Variants in MALRD1 observed in about 807,000 individuals in gnomAD.
MALRD1 encodes the protein MAM and LDL-receptor class A domain-containing protein 1.
MALRD1 carries 247 observed loss-of-function variants against 242.1 expected under a neutral mutation model. The observed-to-expected ratio is 1.02, with a 90% CI of 0.92 to 1.13. The LOEUF is 1.13. MALRD1 is among the 50% of genes most tolerant of loss of function. The probability of loss-of-function intolerance (pLI) is 0.00; values close to 1 mark genes in which losing one functional copy is unlikely to be tolerated. For synonymous variants in MALRD1, 995 were observed against 866.6 expected (o/e 1.15, Z -2.60); for missense variants, 2,989 against 2,533.1 (o/e 1.18, Z -3.86).
intron 32 of MALRD1, among the ~76,000 whole-genome samples, chr10:19,562,281 C>A (rs755249187): frequency 6.8e-6 from 1 of 147,410 alleles, no homozygotes; most frequent in Non-Finnish European, 1.5e-5. Context: ...GGCAACAGAG[C>A]GAGATGCTGT....
intron 28 of MALRD1, among the ~76,000 whole-genome samples, chr10:19,443,031 T>C (rs1482621144): frequency 1.3e-5 from 2 of 152,210 alleles, no homozygotes; most frequent in Non-Finnish European, 2.9e-5. Context: ...TTCAACTTCT[T>C]CCTGGTTTAG....
intron 1 of MALRD1, among the ~76,000 whole-genome samples, chr10:19,054,188 G>A (rs2131206265): frequency 6.6e-6 from 1 of 152,062 alleles, no homozygotes; most frequent in South Asian, 2.1e-4. Flanking sequence ...TTGCTTCTGT[G>A]CTGACTCACA....
chr10:19,389,453 G>A lies in MALRD1; in HGVS notation c.4689G>A (p.Gly1563=), dbSNP rs1409285816. The change falls in exon 28 of 40, where the codon GGG becomes GGA. Residue 1563 remains glycine (G), a splice_region_variant and synonymous_variant. Coordinates refer to ENST00000454679, the MANE Select transcript of MALRD1 (RefSeq NM_001142308.3). The part of the protein sequence containing the change: ...PKDHTLGNEN[G]HFMYLEATAV... ...TCTGAATTCTGTCCTTGTTCCTAGG[G>A]CACTTCATGTATCTGGAAGCTACTG... 2.6e-6 allele frequency: 4 copies of A among 1,550,050 alleles called. No individual in the cohort carries two copies. The highest frequency in any genetic ancestry group is 3.9e-5 in the Admixed American group (2 of 50,914).
intron 36 of MALRD1, among the ~76,000 whole-genome samples, chr10:19,646,868 G>A (rs1840683842): frequency 6.6e-6 from 1 of 152,124 alleles, no homozygotes; most frequent in African/African-American, 2.4e-5. Context: ...AGAAGGCATT[G>A]CATTGTAGTT....
chr10:19,721,556 T>C (rs1412728446), intron 38 of MALRD1: 1 of 152,184 alleles, frequency 6.6e-6, no homozygotes, highest in African/African-American at 2.4e-5. Context: ...TCCCTAGTAG[T>C]AACAAATCAC....
intron 18 of MALRD1, among the ~76,000 whole-genome samples, chr10:19,249,045 ATG>A (rs1423994301): frequency 1.3e-5 from 2 of 148,424 alleles, no homozygotes; most frequent in African/African-American, 4.9e-5. Flanking sequence ...ACATACACAT[ATG>A]TGTGTATATG....
intron 13 of MALRD1, among the ~76,000 whole-genome samples, chr10:19,168,447 T>C (rs948720910): frequency 1.1e-4 from 17 of 152,140 alleles, no homozygotes; most frequent in African/African-American, 4.1e-4. Context: ...GAGAAGAAAA[T>C]AGAATGTCCT....
intron 14 of MALRD1, among the ~76,000 whole-genome samples, chr10:19,199,267 C>T (rs1015513587): frequency 2.6e-5 from 4 of 152,240 alleles, no homozygotes; most frequent in Admixed American, 1.3e-4. Context: ...GAATGTGTCC[C>T]GTGGTCATAC....
At chr10:19,239,195 G>T (rs968244829) in intron 18 of MALRD1, among the ~76,000 whole-genome samples, 1 of 151,714 alleles carries the variant, frequency 6.6e-6, no homozygotes, top group African/African-American at 2.4e-5. Flanking sequence ...AGTAGCTGGG[G>T]TTACAGGCAC....
In MALRD1 at chr10:19,531,333, G is replaced by T; in HGVS notation, c.5460G>T (p.Arg1820Ser). The change falls in exon 32 of 40, where the codon AGG becomes AGT. Residue 1820 changes from arginine to serine, a missense_variant. Arg to Ser is a moderately radical substitution (Grantham distance 110). Coordinates refer to ENST00000454679, the MANE Select transcript of MALRD1 (RefSeq NM_001142308.3). ...TCTGGTTCTACATGATTGATCCCAG[G>T]AGTATGGGAATATTAAAGGTACAAA... ...VRFWFYMIDP[R>S]SMGILKVYTI... is the part of the protein sequence containing the mutation. The T allele has an allele frequency of 6.5e-7, 1 of 1,544,544 alleles. No homozygotes were observed. The highest frequency in any genetic ancestry group is 8.7e-7 in the Non-Finnish European group (1 of 1,142,942).
intron 8 of MALRD1, among the ~76,000 whole-genome samples, chr10:19,131,829 T>A (rs938932784): frequency 6.6e-6 from 1 of 152,170 alleles, no homozygotes; most frequent in African/African-American, 2.4e-5. Flanking sequence ...TTTACTGATT[T>A]TAAGATAAAA....
At chr10:19,362,265 A>C (rs1259309982) in intron 26 of MALRD1, among the ~76,000 whole-genome samples, 1 of 152,048 alleles carries the variant, frequency 6.6e-6, no homozygotes, top group African/African-American at 2.4e-5. Flanking sequence ...GGAAACCACC[A>C]TTTGGTATTC....
intron 14 of MALRD1, among the ~76,000 whole-genome samples, chr10:19,199,943 T>C (rs540931165): frequency 6.6e-6 from 1 of 152,088 alleles, no homozygotes; most frequent in Non-Finnish European, 1.5e-5. Context: ...GTGGGCAACA[T>C]GAGGAGACCC....
At chr10:19,331,161 A>G (rs1338886746) in intron 23 of MALRD1, among the ~76,000 whole-genome samples, 3 of 152,176 alleles carry the variant, frequency 2.0e-5, no homozygotes, top group Non-Finnish European at 4.4e-5. Flanking sequence ...CCACTCCCAC[A>G]TTCTTAGGTG....
At chr10:19,691,829 G>A (rs1316253559) in intron 36 of MALRD1, among the ~76,000 whole-genome samples, 1 of 152,080 alleles carries the variant, frequency 6.6e-6, no homozygotes. Flanking sequence ...CCTTTGTAAT[G>A]AGAAATAAAT....
chr10:19,062,219 A>T (rs528857499), intron 1 of MALRD1, among the ~76,000 whole-genome samples: 8 of 152,336 alleles, frequency 5.3e-5, no homozygotes, highest in Admixed American at 5.2e-4. Flanking sequence ...CCACAATGAG[A>T]TACCACTTCA....
At chr10:19,176,860 G>C (rs898304793) in intron 14 of MALRD1, among the ~76,000 whole-genome samples, 1 of 135,640 alleles carries the variant, frequency 7.4e-6, no homozygotes, top group Non-Finnish European at 1.7e-5. Context: ...GTGTGTGCGT[G>C]CATGTGTGCA....
At chr10:19,436,289 T>C (rs1030077233) in intron 28 of MALRD1, among the ~76,000 whole-genome samples, 1 of 152,178 alleles carries the variant, frequency 6.6e-6, no homozygotes, top group Non-Finnish European at 1.5e-5. Flanking sequence ...TCCGTGAATA[T>C]ACACATATCT....
At chr10:19,552,183 T>C (rs1206419162) in intron 32 of MALRD1, among the ~76,000 whole-genome samples, 1 of 152,186 alleles carries the variant, frequency 6.6e-6, no homozygotes, top group Non-Finnish European at 1.5e-5. Context: ...CTATTCTTTG[T>C]ACATCTGGTA....
Sources: allele counts gnomAD v4.1 joint callset (sites outside exome capture counted in the v4.1 genomes callset), GRCh38; gene constraint gnomAD v4.1.1; transcripts MANE v1.5; gene names NCBI Gene and HGNC (gene_info 2026-07-23, HGNC 2026-07-21).